Variants in SCAPER observed in about 807,000 individuals in gnomAD.
SCAPER encodes S phase cyclin A-associated protein in the endoplasmic reticulum.
Under a neutral mutation model 182.2 loss-of-function variants are expected in SCAPER, and 98 were observed. The ratio of observed to expected loss-of-function variants is 0.54; its 90% CI spans 0.46 to 0.64. The LOEUF is 0.64. Ranked by LOEUF, SCAPER falls within the 30% of genes least tolerant of loss-of-function variation. The probability of loss-of-function intolerance (pLI) is 0.00; values close to 1 mark genes in which losing one functional copy is unlikely to be tolerated. For missense variants in SCAPER, 1,432 were observed against 1,690.0 expected, an observed-to-expected ratio of 0.85 and a Z score of 2.68; for synonymous variants, 605 against 564.6, an observed-to-expected ratio of 1.07 and a Z score of -1.01.
intron 21 of SCAPER, among the ~76,000 whole-genome samples, chr15:76,637,069 C>T (rs1464845935): frequency 6.6e-6 from 1 of 151,986 alleles, no homozygotes; most frequent in African/African-American, 2.4e-5. Context: ...TGAGTATATA[C>T]ATAAGGCTAT....
intron 18 of SCAPER, among the ~76,000 whole-genome samples, chr15:76,704,202 G>C (rs2059120593): frequency 6.6e-6 from 1 of 152,158 alleles, no homozygotes; most frequent in Non-Finnish European, 1.5e-5. Context: ...CAAGTCATTA[G>C]TAAATTGCTT....
chr15:76,688,027 CA>C (rs1344471467), intron 20 of SCAPER, among the ~76,000 whole-genome samples: 3 of 152,198 alleles, frequency 2.0e-5, no homozygotes, highest in Non-Finnish European at 2.9e-5. Context: ...CTGTCTTCTG[CA>C]ATGGTTGAAC....
chr15:76,544,181 C>A (rs1052336241), intron 23 of SCAPER, among the ~76,000 whole-genome samples: 3 of 152,004 alleles, frequency 2.0e-5, no homozygotes, highest in African/African-American at 7.3e-5. Context: ...ATAACAAGGA[C>A]GTAGAAAAAT....
At chr15:76,357,271 A>C (rs2041053511) in intron 29 of SCAPER, among the ~76,000 whole-genome samples, 1 of 151,946 alleles carries the variant, frequency 6.6e-6, no homozygotes, top group African/African-American at 2.4e-5. Context: ...CCAAGTACCC[A>C]ATTAAGAATG....
At chr15:76,607,239 T>C (rs1360904865) in intron 22 of SCAPER, among the ~76,000 whole-genome samples, 6 of 152,244 alleles carry the variant, frequency 3.9e-5, no homozygotes, top group Admixed American at 3.9e-4. Flanking sequence ...CAGCATTTAC[T>C]TGTCTGTAAA....
intron 5 of SCAPER, among the ~76,000 whole-genome samples, chr15:76,807,778 G>A (rs1297419610): frequency 6.8e-6 from 1 of 147,388 alleles, no homozygotes; most frequent in Non-Finnish European, 1.5e-5. Context: ...AATCGCTAAA[G>A]TTGGGAATTA....
At chr15:76,749,950 G>A (rs922051560) in intron 15 of SCAPER, among the ~76,000 whole-genome samples, 1 of 151,564 alleles carries the variant, frequency 6.6e-6, no homozygotes. Flanking sequence ...AAACAACAAA[G>A]CTTATGGACT....
At chr15:76,845,355 G>A (rs1169747750) in intron 4 of SCAPER, among the ~76,000 whole-genome samples, 1 of 152,056 alleles carries the variant, frequency 6.6e-6, no homozygotes, top group Non-Finnish European at 1.5e-5. Flanking sequence ...AAAACAGTAC[G>A]TACTGGAAGT....
intron 22 of SCAPER, among the ~76,000 whole-genome samples, chr15:76,618,786 A>G (rs1485467805): frequency 6.6e-6 from 1 of 152,238 alleles, no homozygotes. Context: ...GCCTGTTTTA[A>G]GCAATGTTTA....
intron 23 of SCAPER, among the ~76,000 whole-genome samples, chr15:76,516,875 A>G (rs2144184289): frequency 6.6e-6 from 1 of 152,320 alleles, no homozygotes; most frequent in South Asian, 2.1e-4. Flanking sequence ...AGGGCTACTG[A>G]GAGCAACATT....
intron 8 of SCAPER, among the ~76,000 whole-genome samples, chr15:76,791,928 A>G (rs2065028496): frequency 6.6e-6 from 1 of 151,536 alleles, no homozygotes; most frequent in Non-Finnish European, 1.5e-5. Flanking sequence ...TGGAGAACAA[A>G]TGATTGGTTT....
At chr15:76,854,011 C>T (rs900346708) in intron 4 of SCAPER, among the ~76,000 whole-genome samples, 1 of 152,168 alleles carries the variant, frequency 6.6e-6, no homozygotes, top group Admixed American at 6.5e-5. Context: ...AGCATTCTTC[C>T]TGTAATCCCA....
chr15:76,602,976 C>T (rs1433567205), intron 22 of SCAPER, among the ~76,000 whole-genome samples: 21 of 57,818 alleles, frequency 3.6e-4, no homozygotes, highest in Admixed American at 4.7e-4. Context: ...AGCAAGAAAA[C>T]TTTTTTTTTT....
chr15:76,726,124 AAT>A (rs765875424), intron 17 of SCAPER, among the ~76,000 whole-genome samples: 841 of 15,348 alleles, frequency 0.055, 34 homozygotes, highest in African/African-American at 0.12. Flanking sequence ...TAATGTCTAG[AAT>A]ATATATATAT....
At chr15:76,574,049 A>C in intron 23 of SCAPER, 109 bp downstream of exon 23, 1 of 1,083,282 alleles carries the variant, frequency 9.2e-7, no homozygotes, top group Non-Finnish European at 1.2e-6. Context: ...TAGCTTTAAA[A>C]AACACAGAAG....
intron 27 of SCAPER, among the ~76,000 whole-genome samples, chr15:76,392,629 T>C (rs1222359061): frequency 1.3e-5 from 2 of 152,086 alleles, no homozygotes; most frequent in Non-Finnish European, 2.9e-5. Context: ...TGCATCCCTG[T>C]AGTCTCAGCT....
At chr15:76,743,373 T>A (rs1218952369) in intron 15 of SCAPER, among the ~76,000 whole-genome samples, 1 of 152,162 alleles carries the variant, frequency 6.6e-6, no homozygotes, top group Non-Finnish European at 1.5e-5. Flanking sequence ...GCAAGAATTT[T>A]AGTACAGACT....
rs140636830 is a variant in SCAPER at position 76,725,179 on chromosome 15, AT to A, written c.2165+3415del. On this transcript the variant is annotated intron_variant, in intron 17 of 31. Transcript: ENST00000563290. ...AACAGGATAAAATAGTAACTAAAAA[AT>A]ATCATAAAATGTGTACAAAAAATAA... Among the ~76,000 whole-genome samples the A allele has an allele frequency of 3.7e-3, 556 of 152,298 alleles. 6 individuals are homozygous for A. Among genetic ancestry groups the A allele is most frequent in the African/African-American group, 0.013 (537 of 41,580 alleles).
At chr15:76,564,641 C>A (rs938863565) in intron 23 of SCAPER, among the ~76,000 whole-genome samples, 31 of 152,162 alleles carry the variant, frequency 2.0e-4, no homozygotes, top group African/African-American at 7.5e-4. Context: ...CATTGATATT[C>A]TTCACAGAAC....
Sources: gnomAD v4.1 joint callset for allele counts (sites outside exome capture counted in the v4.1 genomes callset) on GRCh38, gnomAD v4.1.1 for gene constraint, MANE v1.5 for transcripts, NCBI Gene and HGNC (gene_info 2026-07-23, HGNC 2026-07-21) for gene names.